The following RBFOX1 variants were observed in gnomAD, a reference collection of about 807,000 sequenced individuals.
RBFOX1 encodes RNA binding protein fox-1 homolog 1.
Under a neutral mutation model 57.7 loss-of-function variants are expected in RBFOX1, and 8 were observed. That is an observed-to-expected ratio of 0.14 (90% CI 0.08 to 0.25). The LOEUF (loss-of-function observed/expected upper bound fraction) is 0.25. Ranked by LOEUF, RBFOX1 falls within the 10% of genes least tolerant of loss-of-function variation. The probability of loss-of-function intolerance (pLI) is 1.00; values close to 1 mark genes in which losing one functional copy is unlikely to be tolerated. For missense variants in RBFOX1, 611 were observed against 548.5 expected, an observed-to-expected ratio of 1.11 and a Z score of -1.14; for synonymous variants, 326 against 222.4, an observed-to-expected ratio of 1.47 and a Z score of -4.15.
Position 6,637,235 on chromosome 16 carries a change from T to A in RBFOX1, c.-63-17368T>A, listed in dbSNP as rs1457390327. On this transcript the variant is annotated intron_variant, in intron 2 of 15. Coordinates refer to ENST00000550418, the MANE Select transcript of RBFOX1 (RefSeq NM_018723.4). ...ATATTATATAATATACAATATATAT[T>A]ATATATTATATATATTATATAATAT... is the stretch of plus-strand genomic sequence containing the variant. Among the ~76,000 whole-genome samples, 47 of 62,112 alleles carry A rather than the reference T, an allele frequency of 7.6e-4. 3 individuals carry two copies. The highest frequency in any genetic ancestry group is 3.3e-3 in the African/African-American group (43 of 13,210). 40.7% of individuals were successfully genotyped at this position (62,112 alleles called of 152,430 possible).
chr16:6,386,305 G>C (rs2092276478), intron 2 of RBFOX1, among the ~76,000 whole-genome samples: 1 of 152,148 alleles, frequency 6.6e-6, no homozygotes, highest in Non-Finnish European at 1.5e-5. Context: ...GGGACATTTT[G>C]GCTGGGAACA....
intron 1 of RBFOX1, among the ~76,000 whole-genome samples, chr16:5,355,397 G>A (rs951308833): frequency 1.3e-5 from 2 of 152,276 alleles, no homozygotes; most frequent in Middle Eastern, 3.4e-3. Flanking sequence ...CCCTCTGTCT[G>A]CATCGTGAAG....
intron 3 of RBFOX1, among the ~76,000 whole-genome samples, chr16:6,795,149 C>G (rs1156473056): frequency 6.6e-6 from 1 of 152,116 alleles, no homozygotes; most frequent in African/African-American, 2.4e-5. Context: ...TCTGTTGATT[C>G]ATAGTAAGGA....
intron 12 of RBFOX1, 57 bp downstream of exon 12, chr16:7,654,004 G>T: frequency 7.0e-7 from 1 of 1,435,838 alleles, no homozygotes. Context: ...CTCCCCAGAG[G>T]CACGGAGCTG....
At chr16:6,008,549 T>G (rs951548550) in intron 4 of RBFOX1, among the ~76,000 whole-genome samples, 1 of 152,036 alleles carries the variant, frequency 6.6e-6, no homozygotes, top group Non-Finnish European at 1.5e-5. Context: ...AAATCAAGAT[T>G]GCGGTTAAGG....
At chr16:7,636,038 CTGACCTCG>C (rs1489227838) in intron 11 of RBFOX1, among the ~76,000 whole-genome samples, 1 of 152,232 alleles carries the variant, frequency 6.6e-6, no homozygotes, top group Non-Finnish European at 1.5e-5. Context: ...TCTCAATCTC[CTGACCTCG>C]TGATCCACCC....
At chr16:5,751,385 C>T (rs1046593890) in intron 3 of RBFOX1, among the ~76,000 whole-genome samples, 5 of 152,166 alleles carry the variant, frequency 3.3e-5, no homozygotes, top group East Asian at 1.9e-4. Context: ...ATACTGATTA[C>T]GTCTCTTGAC....
At chr16:6,483,097 G>A (rs765779147) in intron 2 of RBFOX1, 7 of 1,006,766 alleles carry the variant, frequency 7.0e-6, no homozygotes, top group Non-Finnish European at 8.3e-6. Context: ...CCGTAGGGGC[G>A]GGACCCACGC....
intron 3 of RBFOX1, among the ~76,000 whole-genome samples, chr16:5,722,022 C>G (rs2051955628): frequency 6.6e-6 from 1 of 152,206 alleles, no homozygotes; most frequent in Non-Finnish European, 1.5e-5. Context: ...GGGTTGGGCT[C>G]TAAGGAGAAT....
At chr16:5,810,546 A>G (rs544391279) in intron 3 of RBFOX1, among the ~76,000 whole-genome samples, 43 of 152,322 alleles carry the variant, frequency 2.8e-4, no homozygotes, top group African/African-American at 9.4e-4. Context: ...CTGCACTTCT[A>G]TCCCATGGTG....
chr16:7,046,350 C>T (rs1036538834), intron 3 of RBFOX1, among the ~76,000 whole-genome samples: 1 of 151,956 alleles, frequency 6.6e-6, no homozygotes, highest in African/African-American at 2.4e-5. Context: ...TAGGGATTAT[C>T]ACACACATAT....
rs957120239 is a variant in RBFOX1 at position 6,606,836 on chromosome 16, A to G, written c.-63-47767A>G. 6.8e-4 allele frequency among the ~76,000 whole-genome samples: 103 copies of G among 152,182 alleles called. 3 individuals are homozygous for G. Among genetic ancestry groups the G allele is most frequent in the Non-Finnish European group, 1.6e-4 (11 of 68,032 alleles). ...TGAACATACGCGTGCATGTATCTTT[A>G]TAATAGAATGATTTGTATTCCTTTG... On this transcript the variant is annotated intron_variant, in intron 2 of 15. Coordinates refer to ENST00000550418, the MANE Select transcript of RBFOX1 (RefSeq NM_018723.4).
intron 3 of RBFOX1, among the ~76,000 whole-genome samples, chr16:6,893,733 A>C (rs1194655823): frequency 6.6e-6 from 1 of 152,218 alleles, no homozygotes; most frequent in Non-Finnish European, 1.5e-5. Context: ...ATGAATTTTC[A>C]TTTGCATTTA....
intron 3 of RBFOX1, among the ~76,000 whole-genome samples, chr16:6,836,821 A>C (rs1231545284): frequency 1.3e-5 from 2 of 152,230 alleles, no homozygotes. Flanking sequence ...TTAAAAAATC[A>C]AGTAAATATT....
At chr16:5,649,249 A>C (rs1441858596) in intron 3 of RBFOX1, among the ~76,000 whole-genome samples, 1 of 149,228 alleles carries the variant, frequency 6.7e-6, no homozygotes, top group African/African-American at 2.5e-5. Flanking sequence ...GCTCACTGCA[A>C]CCTCCGCCTC....
chr16:5,959,834 A>T (rs1217434204), intron 4 of RBFOX1, among the ~76,000 whole-genome samples: 1 of 152,182 alleles, frequency 6.6e-6, no homozygotes, highest in Non-Finnish European at 1.5e-5. Context: ...TAAAGAAAGA[A>T]AGAAATTGCT....
intron 1 of RBFOX1, among the ~76,000 whole-genome samples, chr16:5,422,785 A>G (rs1274831475): frequency 2.7e-5 from 3 of 111,414 alleles, no homozygotes; most frequent in African/African-American, 7.0e-5. Context: ...GAGAAGGGAG[A>G]GGGAGTGGGA....
intron 4 of RBFOX1, among the ~76,000 whole-genome samples, chr16:7,393,703 C>A (rs780892056): frequency 1.4e-4 from 22 of 152,086 alleles, no homozygotes; most frequent in Non-Finnish European, 2.5e-4. Flanking sequence ...TGAGTCTTAT[C>A]CCCACCCCGT....
At chr16:7,065,194 T>A (rs2055656888) in intron 4 of RBFOX1, among the ~76,000 whole-genome samples, 1 of 152,238 alleles carries the variant, frequency 6.6e-6, no homozygotes, top group African/African-American at 2.4e-5. Flanking sequence ...TGCATTCTAA[T>A]ATTTCATGGT....
Sources: gnomAD v4.1 joint callset for allele counts (sites outside exome capture counted in the v4.1 genomes callset) on GRCh38, gnomAD v4.1.1 for gene constraint, MANE v1.5 for transcripts, NCBI Gene and HGNC (gene_info 2026-07-23, HGNC 2026-07-21) for gene names.